PDE4D: variants seen among roughly 807,000 people sequenced by gnomAD.
PDE4D encodes the protein phosphodiesterase 4D, also known as 3',5'-cyclic-AMP phosphodiesterase 4D.
A neutral mutation model predicts 87.4 loss-of-function variants in PDE4D; 24 were observed. The observed-to-expected ratio is 0.27, with a 90% CI of 0.20 to 0.39. PDE4D has a LOEUF of 0.39. Ranked by LOEUF, PDE4D falls within the 10% of genes least tolerant of loss-of-function variation. The pLI, the probability that PDE4D is intolerant of heterozygous loss-of-function variation, is 1.00. For missense variants in PDE4D, 714 were observed against 1,041.0 expected (o/e 0.69, Z 4.32); for synonymous variants, 384 against 383.2 (o/e 1.00, Z -0.02).
chr5:60,109,500 C>G (rs945613172), intron 2 of PDE4D, among the ~76,000 whole-genome samples: 146 of 150,946 alleles, frequency 9.7e-4, no homozygotes, highest in Non-Finnish European at 1.1e-3. Flanking sequence ...ACCCAGCCAT[C>G]CCATTACTGG....
chr5:59,537,483 T>C (rs1023404154), intron 1 of PDE4D, among the ~76,000 whole-genome samples: 1 of 152,258 alleles, frequency 6.6e-6, no homozygotes, highest in African/African-American at 2.4e-5. Flanking sequence ...CATTCTTAAT[T>C]GTGTTGATGA....
At chr5:59,701,145 T>C (rs1752494683) in intron 1 of PDE4D, among the ~76,000 whole-genome samples, 1 of 152,192 alleles carries the variant, frequency 6.6e-6, no homozygotes, top group Non-Finnish European at 1.5e-5. Context: ...TCAGTGTCTC[T>C]GTTCCTGCTA....
chr5:60,200,449 G>A lies in PDE4D; in HGVS notation c.-89-14762C>T, dbSNP rs112051279. ...ACCCAAAAGAAACTATTCTAATCCC[G>A]AAATGAATTAAAGTTTGGGTGTTTT... is the stretch of plus-strand genomic sequence containing the variant. On this transcript the variant is annotated intron_variant, in intron 1 of 16. Coordinates refer to the PDE4D transcript ENST00000502484. Among the ~76,000 whole-genome samples, 338 of 149,860 alleles carry A rather than the reference G, an allele frequency of 2.3e-3. 3 individuals carry two copies. The highest frequency in any genetic ancestry group is 7.8e-3 in the African/African-American group (322 of 41,300).
chr5:59,737,381 T>C (rs1275775563), intron 1 of PDE4D, among the ~76,000 whole-genome samples: 1 of 152,118 alleles, frequency 6.6e-6, no homozygotes, highest in African/African-American at 2.4e-5. Flanking sequence ...TCATGCGTAT[T>C]GGACAGGCCC....
At chr5:60,076,519 C>A (rs1184081249) in intron 2 of PDE4D, among the ~76,000 whole-genome samples, 1 of 152,054 alleles carries the variant, frequency 6.6e-6, no homozygotes, top group African/African-American at 2.4e-5. Context: ...TATTTCATGA[C>A]CTTGGGTGTT....
intron 1 of PDE4D, among the ~76,000 whole-genome samples, chr5:60,465,650 C>T (rs1747294081): frequency 6.6e-6 from 1 of 152,070 alleles, no homozygotes; most frequent in South Asian, 2.1e-4. Context: ...ACAGAAGCTC[C>T]TCAACTTACA....
At chr5:60,219,905 C>T (rs995215389) in intron 1 of PDE4D, among the ~76,000 whole-genome samples, 4 of 152,120 alleles carry the variant, frequency 2.6e-5, no homozygotes, top group Admixed American at 6.5e-5. Context: ...TTCATAGAAA[C>T]ATTTCTTTGT....
At chr5:60,436,723 A>G (rs1034687475) in intron 1 of PDE4D, among the ~76,000 whole-genome samples, 7 of 152,092 alleles carry the variant, frequency 4.6e-5, no homozygotes, top group Non-Finnish European at 1.0e-4. Flanking sequence ...ACTAGGATGC[A>G]TTCGGTTCAC....
chr5:60,318,811 C>T (rs1199389850), intron 1 of PDE4D, among the ~76,000 whole-genome samples: 1 of 152,016 alleles, frequency 6.6e-6, no homozygotes, highest in East Asian at 1.9e-4. Context: ...TGAATATTGG[C>T]CCCCACTCTC....
At chr5:60,416,927 G>A (rs979908440) in intron 1 of PDE4D, among the ~76,000 whole-genome samples, 1 of 152,168 alleles carries the variant, frequency 6.6e-6, no homozygotes, top group African/African-American at 2.4e-5. Context: ...TGAGATGTAG[G>A]GATTGGCCTG....
chr5:59,661,440 G>C (rs1385255386), intron 1 of PDE4D, among the ~76,000 whole-genome samples: 1 of 152,126 alleles, frequency 6.6e-6, no homozygotes, highest in Non-Finnish European at 1.5e-5. Context: ...ATGTTGACAT[G>C]TCCAGCCCAC....
chr5:60,222,048 T>C (rs1744555079), intron 1 of PDE4D, among the ~76,000 whole-genome samples: 1 of 152,088 alleles, frequency 6.6e-6, no homozygotes, highest in African/African-American at 2.4e-5. Flanking sequence ...TCCCCGCACA[T>C]ACATACATCA....
chr5:59,192,256 G>T (rs1346673195), intron 3 of PDE4D, among the ~76,000 whole-genome samples: 1 of 152,060 alleles, frequency 6.6e-6, no homozygotes, highest in Non-Finnish European at 1.5e-5. Flanking sequence ...AGAAATGAAA[G>T]AACATTTTCA....
chr5:59,962,591 TCTAA>T (rs56661066), intron 3 of PDE4D, among the ~76,000 whole-genome samples: 1,590 of 152,252 alleles, frequency 0.01, 18 homozygotes, highest in African/African-American at 0.036. Flanking sequence ...ACAAAACTTT[TCTAA>T]CTATTAATAA....
At chr5:60,422,473 C>T (rs1304443400) in intron 1 of PDE4D, among the ~76,000 whole-genome samples, 2 of 152,098 alleles carry the variant, frequency 1.3e-5, no homozygotes, top group African/African-American at 4.8e-5. Flanking sequence ...GAAATAAAAT[C>T]CTTTACAGAC....
chr5:60,303,100 A>T (rs1754073843), intron 1 of PDE4D, among the ~76,000 whole-genome samples: 1 of 152,102 alleles, frequency 6.6e-6, no homozygotes, highest in African/African-American at 2.4e-5. Context: ...AAGTACTGGG[A>T]TTACAGGCGT....
chr5:59,992,975 T>C (rs1228647743), intron 2 of PDE4D, among the ~76,000 whole-genome samples: 3 of 152,194 alleles, frequency 2.0e-5, no homozygotes, highest in Non-Finnish European at 2.9e-5. Flanking sequence ...AATGCCTTTA[T>C]TTTGGAGAGA....
chr5:60,173,724 A>G (rs910885023), intron 2 of PDE4D, among the ~76,000 whole-genome samples: 6 of 152,170 alleles, frequency 3.9e-5, no homozygotes, highest in Non-Finnish European at 7.4e-5. Flanking sequence ...TAATGGAGCA[A>G]CAGTCAGCAG....
intron 1 of PDE4D, among the ~76,000 whole-genome samples, chr5:59,576,719 T>C (rs1338863732): frequency 6.6e-6 from 1 of 152,150 alleles, no homozygotes; most frequent in African/African-American, 2.4e-5. Context: ...TTGTGTGCAG[T>C]GAAGATCTCA....
Sources: gnomAD v4.1 joint callset for allele counts (sites outside exome capture counted in the v4.1 genomes callset) on GRCh38, gnomAD v4.1.1 for gene constraint, MANE v1.5 for transcripts, NCBI Gene and HGNC (gene_info 2026-07-23, HGNC 2026-07-21) for gene names.